NUP205: variants seen among roughly 807,000 people sequenced by gnomAD.
NUP205 encodes the protein nuclear pore complex protein Nup205.
NUP205 carries 76 observed loss-of-function variants against 253.8 expected under a neutral mutation model. The ratio of observed to expected loss-of-function variants is 0.30; its 90% confidence interval spans 0.25 to 0.36. The LOEUF is 0.36. NUP205 is among the 10% of genes least tolerant of loss of function. The pLI, the probability that NUP205 is intolerant of heterozygous loss-of-function variation, is 1.00. For missense variants in NUP205, 2,162 were observed against 2,425.5 expected (o/e 0.89, Z 2.28); for synonymous variants, 832 against 850.1 (o/e 0.98, Z 0.37).
At chr7:135,562,043 A>T (rs1805597260) in intron 1 of NUP205, among the ~76,000 whole-genome samples, 1 of 151,686 alleles carries the variant, frequency 6.6e-6, no homozygotes, top group Admixed American at 6.6e-5. Flanking sequence ...TCAGCCTAGT[A>T]GCTGGGATTA....
rs1198779137 is a variant in NUP205 at position 135,606,350 on chromosome 7, GA to G, written c.2905+126del. Reference sequence around the variant, plus strand: ...TGTAAGAGGAATTGAGAATTTGCTAGAATACAGGTTGAGAATGCAAAATCCA... The same window carrying G: ...TGTAAGAGGAATTGAGAATTTGCTAGATACAGGTTGAGAATGCAAAATCCA... On this transcript the variant is annotated intron_variant, in intron 20 of 42. Transcript: ENST00000285968. The G allele has an allele frequency of 7.1e-6, 5 of 708,908 alleles. No individual in the cohort carries two copies. The East Asian group carries it at 1.3e-4, about 19-fold the overall frequency. 43.9% of individuals were successfully genotyped at this position (708,908 alleles called of 1,614,324 possible).
chr7:135,593,006 A>C lies in NUP205; in HGVS notation c.1644A>C (p.Ala548=). 2 of 1,612,982 alleles carry C rather than the reference A, an allele frequency of 1.2e-6. No homozygotes were observed. Among genetic ancestry groups the C allele is most frequent in the Non-Finnish European group, 1.7e-6 (2 of 1,178,928 alleles). ...TTATAGTTGAAAATATTCAGGGAGCAGGTGGCAGTCCTGTTTCCTGGGAAC... is the reference window on the plus strand; with the variant it reads ...TTATAGTTGAAAATATTCAGGGAGCCGGTGGCAGTCCTGTTTCCTGGGAAC... ...GSSHVENIQG[A]GGSPVSWEHF... Residue 548 remains alanine (A), a synonymous_variant, in exon 12 of 43, where the codon GCA becomes GCC. Transcript: ENST00000285968.
intron 7 of NUP205, among the ~76,000 whole-genome samples, chr7:135,581,657 G>T (rs74876016): frequency 0.034 from 5,155 of 152,128 alleles, 120 homozygotes; most frequent in Middle Eastern, 0.1. Flanking sequence ...TTCAAGACCA[G>T]ACTGGCGAAC....
chr7:135,638,331 C>G (rs1358931565), intron 37 of NUP205, among the ~76,000 whole-genome samples: 1 of 149,100 alleles, frequency 6.7e-6, no homozygotes, highest in Non-Finnish European at 1.5e-5. Context: ...AGGAGAATTG[C>G]TTGAACCCAA....
At chr7:135,617,002 C>A in intron 25 of NUP205, 88 bp from the exon 26 acceptor site, 2 of 945,140 alleles carry the variant, frequency 2.1e-6, no homozygotes, top group South Asian at 1.8e-5. Flanking sequence ...CTGAAAATAG[C>A]ACTGTCTTTG....
intron 13 of NUP205, among the ~76,000 whole-genome samples, chr7:135,595,938 AT>A (rs553819414): frequency 4.6e-4 from 67 of 147,248 alleles, no homozygotes; most frequent in African/African-American, 5.9e-4. Flanking sequence ...AGCAAAAAAA[AT>A]TTTTTTTTTT....
Position 135,643,308 on chromosome 7 carries a change from G to A in NUP205, c.5509G>A (p.Val1837Ile), listed in dbSNP as rs1322183894. Residue 1837 changes from valine to isoleucine, a missense_variant, in exon 39 of 43, where the codon GTC becomes ATC. Physicochemically the swap from Val to Ile is conservative, Grantham distance 29. Coordinates refer to ENST00000285968, the MANE Select transcript of NUP205 (RefSeq NM_015135.3). ...FSYYDSHRQS[V>I]SKLQNVEQLP... ...CTATTATGACAGTCATCGACAGAGT[G>A]TCAGCAAGCTACAAAATGTAGAGCA... 1 of 1,614,114 alleles carries A rather than the reference G, an allele frequency of 6.2e-7. No individual in the cohort carries two copies. Among genetic ancestry groups the A allele is most frequent in the South Asian group, 1.1e-5 (1 of 91,084 alleles).
chr7:135,630,790 G>A (rs536964110), intron 35 of NUP205, among the ~76,000 whole-genome samples: 1 of 152,100 alleles, frequency 6.6e-6, no homozygotes, highest in South Asian at 2.1e-4. Context: ...GCTGGGTGTT[G>A]GGGCATTCAC....
intron 32 of NUP205, among the ~76,000 whole-genome samples, chr7:135,625,709 A>G (rs1329405274): frequency 3.3e-5 from 5 of 152,330 alleles, no homozygotes; most frequent in Admixed American, 6.5e-5. Context: ...TGCTAGTTCT[A>G]TTCTAAACAC....
chr7:135,573,391 T>C (rs1312555058), intron 2 of NUP205, among the ~76,000 whole-genome samples: 1 of 152,220 alleles, frequency 6.6e-6, no homozygotes, highest in Non-Finnish European at 1.5e-5. Flanking sequence ...TGAAAAATAG[T>C]ATGCTATTTT....
In NUP205 at chr7:135,590,391, G is replaced by T. The variant is rs950253487; in HGVS notation, c.1474-1059G>T. Among the ~76,000 whole-genome samples the T allele has an allele frequency of 1.9e-4, 29 of 152,218 alleles. 1 individual carries two copies. Among genetic ancestry groups the T allele is most frequent in the African/African-American group, 6.7e-4 (28 of 41,536 alleles). ...GGCCTCCCAAAGTGCTGCGATTACA[G>T]GCGTGAGCCACTGTGCCCAGCCTGC... On this transcript the variant is annotated intron_variant, in intron 10 of 42. Coordinates refer to ENST00000285968, the MANE Select transcript of NUP205 (RefSeq NM_015135.3).
At chr7:135,627,924 A>G (rs1384323392) in intron 33 of NUP205, 49 bp from the exon 34 acceptor site, 1 of 1,595,318 alleles carries the variant, frequency 6.3e-7, no homozygotes, top group Non-Finnish European at 8.6e-7. Context: ...AATTGCCGAG[A>G]GTATACCTTA....
At chr7:135,570,264 A>G (rs1468252429) in intron 1 of NUP205, among the ~76,000 whole-genome samples, 1 of 151,928 alleles carries the variant, frequency 6.6e-6, no homozygotes, top group African/African-American at 2.4e-5. Flanking sequence ...GCCAGGCTAG[A>G]GTGCAGTGGC....
At chr7:135,579,668 G>A (rs59657837) in intron 7 of NUP205, among the ~76,000 whole-genome samples, 5,164 of 151,950 alleles carry the variant, frequency 0.034, 117 homozygotes, top group Middle Eastern at 0.1. Context: ...GTGGAATCCC[G>A]ACTTTTCTTT....
At position 135,617,061 on chromosome 7, in the gene NUP205, A is replaced by G. The variant is rs751053004; in HGVS notation, c.3533-29A>G. 4 of 1,548,592 alleles carry G rather than the reference A, an allele frequency of 2.6e-6. No individual in the cohort carries two copies. The South Asian group carries it at 3.5e-5, about 14-fold the overall frequency. ...TGCCTTTCTTTTCAATGTCCCAAGT[A>G]AAATCAAATTACTTTTTATTATTTC... On this transcript the variant is annotated intron_variant, in intron 25 of 42. Coordinates refer to ENST00000285968, the MANE Select transcript of NUP205 (RefSeq NM_015135.3).
intron 22 of NUP205, among the ~76,000 whole-genome samples, chr7:135,611,445 A>G (rs746289726): frequency 5.6e-4 from 86 of 152,238 alleles, no homozygotes; most frequent in Non-Finnish European, 1.1e-3. Flanking sequence ...TTTATAGAAT[A>G]TCAAAATGGT....
rs190058169 is a variant in NUP205, at chr7:135,637,709, A to T, written c.5137-222A>T. ...AGATGATACTGGGATTTATTGCTTT[A>T]AAAAAAAAGGGTACTCTTTTCATCT... is the stretch of plus-strand genomic sequence containing the variant. On this transcript the variant is annotated intron_variant, in intron 36 of 42. Coordinates refer to ENST00000285968, the MANE Select transcript of NUP205 (RefSeq NM_015135.3). Among the ~76,000 whole-genome samples, 52 of 151,474 alleles carry T rather than the reference A, an allele frequency of 3.4e-4. 2 individuals are homozygous for T. In the East Asian group the frequency reaches 4.3e-3, roughly 12 times the overall value.
At chr7:135,566,566 A>T (rs923880531) in intron 1 of NUP205, among the ~76,000 whole-genome samples, 1 of 152,170 alleles carries the variant, frequency 6.6e-6, no homozygotes, top group African/African-American at 2.4e-5. Flanking sequence ...TGTCTATGTA[A>T]GGAAGATCTA....
intron 23 of NUP205, 29 bp from the exon 24 acceptor site, chr7:135,615,887 G>A: frequency 6.3e-7 from 1 of 1,579,780 alleles, no homozygotes; most frequent in Non-Finnish European, 8.6e-7. Context: ...ATTACTCTGG[G>A]AAACAAAATT....
Sources: gnomAD v4.1 joint callset for allele counts (sites outside exome capture counted in the v4.1 genomes callset) on GRCh38, gnomAD v4.1.1 for gene constraint, MANE v1.5 for transcripts, NCBI Gene and HGNC (gene_info 2026-07-23, HGNC 2026-07-21) for gene names.